CFAP69: variants seen among roughly 807,000 people sequenced by gnomAD.
The protein encoded by CFAP69 is cilia and flagella associated protein 69.
CFAP69 carries 92 observed loss-of-function variants against 123.0 expected under a neutral mutation model. The ratio of observed to expected loss-of-function variants is 0.75; its 90% confidence interval spans 0.63 to 0.89. The LOEUF is 0.89. CFAP69 is among the 40% of genes least tolerant of loss of function. The pLI is 0.00. For synonymous variants in CFAP69, 380 were observed against 364.3 expected, an observed-to-expected ratio of 1.04 and a Z score of -0.49; for missense variants, 1,067 against 1,096.9, an observed-to-expected ratio of 0.97 and a Z score of 0.39.
downstream of CFAP69, among the ~76,000 whole-genome samples, chr7:90,312,183 A>C (rs1231991227): frequency 6.6e-6 from 1 of 152,204 alleles, no homozygotes; most frequent in Non-Finnish European, 1.5e-5. Flanking sequence ...AGCTCTGCAA[A>C]TGCAGCAAAG....
chr7:90,303,698 C>T lies in CFAP69; in HGVS notation c.2051-271C>T, dbSNP rs1227698643. 3 of 1,001,886 alleles carry T rather than the reference C, an allele frequency of 3.0e-6. No homozygotes were observed. The East Asian group carries it at 2.4e-4, about 80-fold the overall frequency. 62.1% of individuals were successfully genotyped at this position (1,001,886 alleles called of 1,614,324 possible). A position where few individuals can be genotyped will look rare whatever the true frequency, so the allele number is the denominator to read the frequency against. Reference sequence around the variant, plus strand: ...ATTTCAAAATTTTTTAAATTATTTACATAGAAGTTTTACTTTTAAAAAGTA... The same window carrying T: ...ATTTCAAAATTTTTTAAATTATTTATATAGAAGTTTTACTTTTAAAAAGTA... On this transcript the variant is annotated intron_variant, in intron 17 of 22. Coordinates refer to ENST00000389297, the MANE Select transcript of CFAP69 (RefSeq NM_001039706.3).
At chr7:90,247,150 C>T (rs1321339878) in intron 1 of CFAP69, among the ~76,000 whole-genome samples, 1 of 152,214 alleles carries the variant, frequency 6.6e-6, no homozygotes, top group African/African-American at 2.4e-5. Flanking sequence ...TAGTGATCCT[C>T]AGCCTTCTTG....
At chr7:90,304,446 G>A (rs1338106973) in intron 18 of CFAP69, 1 of 1,201,390 alleles carries the variant, frequency 8.3e-7, no homozygotes, top group Non-Finnish European at 1.0e-6. Context: ...TAAGGAAAAA[G>A]TTTATCAAAC....
the CFAP69 span, chr7:90,320,391 T>A: frequency 6.6e-6 from 1 of 152,350 alleles, no homozygotes; most frequent in African/African-American, 2.4e-5. Flanking sequence ...TAGACATACA[T>A]GAAGTGGCAC....
intron 14 of CFAP69, 129 bp from the exon 15 acceptor site, chr7:90,288,105 A>G: frequency 3.2e-6 from 2 of 633,874 alleles, no homozygotes; most frequent in Non-Finnish European, 5.2e-6. Context: ...TGCAGTAAAA[A>G]TAGTATTTTT....
chr7:90,254,134 A>G (rs1797359745), intron 1 of CFAP69, among the ~76,000 whole-genome samples: 1 of 152,150 alleles, frequency 6.6e-6, no homozygotes, highest in African/African-American at 2.4e-5. Context: ...TTTGTCAAAA[A>G]TGATTTGGCT....
At chr7:90,314,809 C>T (rs528500213), downstream of CFAP69, among the ~76,000 whole-genome samples, 321 of 151,446 alleles carry the variant, frequency 2.1e-3, 13 homozygotes, top group Non-Finnish European at 1.4e-3. Flanking sequence ...CATGCTGGTG[C>T]GCTGCACCCA....
At position 90,299,323 on chromosome 7, in the gene CFAP69, G is replaced by A. The variant is rs77309920; in HGVS notation, c.1858-544G>A. ...ATAAAGGAAATATGCTTTATAATAG[G>A]AGAATTTTTTTGAATCCTTAAATAC... On this transcript the variant is annotated intron_variant, in intron 16 of 22. Transcript: ENST00000389297. Among the ~76,000 whole-genome samples the A allele has an allele frequency of 8.9e-3, 1,347 of 152,160 alleles. 20 individuals carry two copies. The highest frequency in any genetic ancestry group is 0.03 in the African/African-American group (1,258 of 41,526).
At chr7:90,250,235 A>AGAGAGAGAGAGG (rs1267005649) in intron 1 of CFAP69, among the ~76,000 whole-genome samples, 1 of 134,268 alleles carries the variant, frequency 7.4e-6, no homozygotes, top group African/African-American at 2.9e-5. Flanking sequence ...AGAGAGAGAG[A>AGAGAGAGAGAGG]CTCCTTGGTT....
Position 90,258,159 on chromosome 7 carries a change from G to A in CFAP69, c.242G>A (p.Gly81Glu), listed in dbSNP as rs916798769. 4 of 1,593,914 alleles carry A rather than the reference G, an allele frequency of 2.5e-6. No homozygotes were observed. Among genetic ancestry groups the A allele is most frequent in the Non-Finnish European group, 3.4e-6 (4 of 1,166,472 alleles). Residue 81 changes from glycine (G) to glutamate (E), a missense_variant, in exon 3 of 23, where the codon GGA (glycine) becomes GAA (glutamate). Gly to Glu is a moderately conservative substitution (Grantham distance 98, BLOSUM62 -2). Coordinates refer to ENST00000389297, the MANE Select transcript of CFAP69 (RefSeq NM_001039706.3). ...AAACTGGTACAGTGTTATCAGAATG[G>A]ACTTGTATCCTTTACATATATATGT... ...VKKLVQCYQN[G>E]LPLRDLAQIF... is the part of the protein sequence containing the mutation.
the CFAP69 span, among the ~76,000 whole-genome samples, chr7:90,322,076 A>G: frequency 2.0e-5 from 3 of 152,094 alleles, no homozygotes; most frequent in African/African-American, 7.2e-5. Flanking sequence ...CAAACAGCCC[A>G]GTTCCCCAGT....
At chr7:90,296,488 C>T (rs946562271) in intron 15 of CFAP69, among the ~76,000 whole-genome samples, 3 of 151,932 alleles carry the variant, frequency 2.0e-5, no homozygotes, top group East Asian at 1.9e-4. Context: ...CCACCATGCC[C>T]GGCTGATTCT....
chr7:90,256,072 T>C (rs533113206), intron 2 of CFAP69, among the ~76,000 whole-genome samples: 4 of 152,286 alleles, frequency 2.6e-5, no homozygotes, highest in East Asian at 3.9e-4. Flanking sequence ...TAGGAACTTA[T>C]GTGGTGATTT....
intron 6 of CFAP69, 30 bp from the exon 7 acceptor site, chr7:90,271,496 T>C: frequency 6.3e-7 from 1 of 1,588,822 alleles, no homozygotes; most frequent in Non-Finnish European, 8.6e-7. Flanking sequence ...GTGAGATAAC[T>C]GTATGTATTT....
At chr7:90,321,305 A>T in the CFAP69 span, 1 of 152,008 alleles carries the variant, frequency 6.6e-6, no homozygotes, top group African/African-American at 2.4e-5. Context: ...CCCGAGACAG[A>T]CCCGCCGCTG....
At chr7:90,264,919 G>A (rs1040280305) in intron 4 of CFAP69, among the ~76,000 whole-genome samples, 30 of 151,900 alleles carry the variant, frequency 2.0e-4, no homozygotes, top group African/African-American at 3.1e-4. Context: ...TCAGCCTCCC[G>A]AGTAGCTGGG....
At chr7:90,307,119 G>T in intron 20 of CFAP69, 21 bp downstream of exon 20, 1 of 1,591,764 alleles carries the variant, frequency 6.3e-7, no homozygotes, top group South Asian at 1.1e-5. Context: ...TAGGTAGTGA[G>T]GAGGGAGAAT....
intron 4 of CFAP69, among the ~76,000 whole-genome samples, chr7:90,264,104 A>T (rs867191494): frequency 8.4e-4 from 41 of 48,840 alleles, no homozygotes; most frequent in African/African-American, 1.5e-3. Flanking sequence ...AAAAAAAAAA[A>T]ATATATATAT....
At chr7:90,293,370 G>A (rs554116950) in intron 15 of CFAP69, among the ~76,000 whole-genome samples, 2 of 152,230 alleles carry the variant, frequency 1.3e-5, no homozygotes, top group East Asian at 1.9e-4. Flanking sequence ...CTGTTAAAGA[G>A]CAGATCATAA....
Sources: allele counts gnomAD v4.1 joint callset (sites outside exome capture counted in the v4.1 genomes callset), GRCh38; gene constraint gnomAD v4.1.1; transcripts MANE v1.5; gene names NCBI Gene and HGNC (gene_info 2026-07-23, HGNC 2026-07-21).